Variants in FBXO42 observed in about 807,000 individuals in gnomAD.
The protein encoded by FBXO42 is F-box only protein 42.
Under a neutral mutation model 71.7 loss-of-function variants are expected in FBXO42, and 12 were observed. The ratio of observed to expected loss-of-function variants is 0.17; its 90% CI spans 0.11 to 0.27. The LOEUF is 0.27. FBXO42 is among the 10% of genes least tolerant of loss of function. The probability of loss-of-function intolerance (pLI) is 1.00; values close to 1 mark genes in which losing one functional copy is unlikely to be tolerated. For missense variants in FBXO42, 707 were observed against 911.9 expected (o/e 0.78, Z 2.89); for synonymous variants, 325 against 327.5 (o/e 0.99, Z 0.08).
In FBXO42 at chr1:16,250,872, A is replaced by T. The variant is rs2081583924; in HGVS notation, c.1952T>A (p.Ile651Asn). 6.2e-7 allele frequency: 1 copy of T among 1,614,004 alleles called. No homozygotes were observed. The highest frequency in any genetic ancestry group is 8.5e-7 in the Non-Finnish European group (1 of 1,180,036). Reference protein sequence around the residue: ...CKPMQMYVLDIKDTKEKGRVK... With the variant: ...CKPMQMYVLDNKDTKEKGRVK... ...CCGCCCCTTCTCCTTGGTGTCTTTA[A>T]TGTCCAGCACGTACATCTGCATGGG... The change falls in exon 10 of 10, where the codon ATT becomes AAT. Residue 651 changes from isoleucine to asparagine, a missense_variant. By Grantham distance (149) the Ile-to-Asn change is moderately radical. Transcript: ENST00000375592. This position sits in a 1 kb window ranked among gnomAD's most constrained non-coding sequence, Gnocchi z 4.7.
intron 4 of FBXO42, among the ~76,000 whole-genome samples, chr1:16,270,841 C>T (rs1451610435): frequency 2.7e-5 from 4 of 149,046 alleles, no homozygotes; most frequent in Non-Finnish European, 5.9e-5. Flanking sequence ...GTACTAGAGT[C>T]AGCAGTGACT....
chr1:16,305,984 G>T, intron 2 of FBXO42, 65 bp from the exon 3 acceptor site: 1 of 1,101,364 alleles, frequency 9.1e-7, no homozygotes, highest in Non-Finnish European at 1.4e-6. Context: ...TATTAAAACT[G>T]TGTCTATTAC....
At chr1:16,315,982 C>G (rs1237308685) in intron 1 of FBXO42, among the ~76,000 whole-genome samples, 3 of 151,836 alleles carry the variant, frequency 2.0e-5, no homozygotes, top group Non-Finnish European at 4.4e-5. Context: ...ACCAGCCTGA[C>G]AAACATGGAG....
intron 7 of FBXO42, 140 bp downstream of exon 7, chr1:16,253,495 A>G: frequency 1.4e-6 from 1 of 701,618 alleles, no homozygotes; most frequent in Non-Finnish European, 2.4e-6. Flanking sequence ...AAGTTGAAAA[A>G]TAAATACCAG....
At position 16,352,372 on chromosome 1, in the gene FBXO42, C is replaced by G. The variant is rs1482927897; in HGVS notation, c.-135G>C. On this transcript the variant is annotated 5_prime_UTR_variant, in exon 1 of 10. Transcript: ENST00000375592. ...CAGGCCGCGACAGCCGTGCTCGGGGCTCCTCACAGCTGGCGGGACCCCGAG... is the reference window on the plus strand; with the variant it reads ...CAGGCCGCGACAGCCGTGCTCGGGGGTCCTCACAGCTGGCGGGACCCCGAG... 2.5e-6 allele frequency: 1 copy of G among 398,312 alleles called. No homozygotes were observed. The highest frequency in any genetic ancestry group is 4.4e-6 in the Non-Finnish European group (1 of 225,978). The allele number at this position is 398,312 out of a possible 1,614,324, so 24.7% of individuals were successfully genotyped here. A position where few individuals can be genotyped will look rare whatever the true frequency, so the allele number is the denominator to read the frequency against.
At chr1:16,292,074 A>G (rs1414420418) in intron 4 of FBXO42, among the ~76,000 whole-genome samples, 1 of 152,220 alleles carries the variant, frequency 6.6e-6, no homozygotes, top group Admixed American at 6.5e-5. Context: ...AGGATGAGGG[A>G]GTAACTAGAT....
chr1:16,253,506 TA>T, intron 7 of FBXO42, 128 bp downstream of exon 7: 2 of 739,218 alleles, frequency 2.7e-6, no homozygotes, highest in Non-Finnish European at 2.2e-6. Context: ...TAAATACCAG[TA>T]AAAAAGAATG....
intron 3 of FBXO42, among the ~76,000 whole-genome samples, chr1:16,301,620 G>A (rs887865753): frequency 1.4e-5 from 2 of 145,730 alleles, no homozygotes; most frequent in African/African-American, 2.6e-5. Flanking sequence ...CCAAGACCGC[G>A]CCACTGCACT....
At chr1:16,273,707 C>T (rs2081869196) in intron 4 of FBXO42, among the ~76,000 whole-genome samples, 2 of 151,922 alleles carry the variant, frequency 1.3e-5, no homozygotes, top group Admixed American at 6.6e-5. Flanking sequence ...TGATGAAACC[C>T]TGTCTCAACA....
At chr1:16,325,211 T>C (rs747704183) in intron 1 of FBXO42, among the ~76,000 whole-genome samples, 7 of 152,014 alleles carry the variant, frequency 4.6e-5, no homozygotes, top group African/African-American at 9.7e-5. Context: ...GCACTCCAGC[T>C]TGGGCAACAG....
At chr1:16,289,836 A>C (rs1188575367) in intron 4 of FBXO42, among the ~76,000 whole-genome samples, 1 of 152,170 alleles carries the variant, frequency 6.6e-6, no homozygotes, top group African/African-American at 2.4e-5. Context: ...CAGGAGGCTA[A>C]GGCAGGAGGT....
intron 1 of FBXO42, among the ~76,000 whole-genome samples, chr1:16,322,745 T>C (rs1169266419): frequency 1.3e-5 from 2 of 152,214 alleles, no homozygotes; most frequent in Admixed American, 1.3e-4. Context: ...CTGTGAAACC[T>C]AGCATAAGTC....
At position 16,283,558 on chromosome 1, in the gene FBXO42, C is replaced by T. The variant is rs1052245010; in HGVS notation, c.502+11225G>A. On this transcript the variant is annotated intron_variant, in intron 4 of 9. Transcript: ENST00000375592. ...TGTCGCCCAGGCTGGAGTGCAGTGG[C>T]ACAATCTTGGCTCACTGCAACCTCC... Among the ~76,000 whole-genome samples, 15 of 128,380 alleles carry T rather than the reference C, an allele frequency of 1.2e-4. No homozygotes were observed. The South Asian group carries it at 3.7e-3, about 32-fold the overall frequency. The allele number at this position is 128,380 out of a possible 152,430, so 84.2% of individuals were successfully genotyped here.
In FBXO42 at chr1:16,274,587, C is replaced by CA. The variant is rs1409067239; in HGVS notation, c.503-17829_503-17828insT. On this transcript the variant is annotated intron_variant, in intron 4 of 9. Transcript: ENST00000375592. Reference sequence around the variant, plus strand: ...CCCCCCCCCATACAAATTATGCCCCCGTTTTTTTTTTTTTTTTTTTTTTGA... The same window carrying CA: ...CCCCCCCCCATACAAATTATGCCCCCAGTTTTTTTTTTTTTTTTTTTTTTGA... Among the ~76,000 whole-genome samples, 15 of 55,758 alleles carry CA rather than the reference C, an allele frequency of 2.7e-4. No individual in the cohort carries two copies. The South Asian group carries it at 7.6e-3, about 28-fold the overall frequency. 36.6% of individuals were successfully genotyped at this position (55,758 alleles called of 152,430 possible). A position where few individuals can be genotyped will look rare whatever the true frequency, so the allele number is the denominator to read the frequency against.
rs1248222269 is a variant in FBXO42, at chr1:16,352,473, C to T, written c.-236G>A. 2 of 396,542 alleles carry T rather than the reference C, an allele frequency of 5.0e-6. No individual in the cohort carries two copies. The highest frequency in any genetic ancestry group is 8.9e-6 in the Non-Finnish European group (2 of 224,840). The allele number at this position is 396,542 out of a possible 1,614,324, so 24.6% of individuals were successfully genotyped here. ...TGCTGCTGCTCAGGCCGGGAGAAGACAGCGCAGAGCGCGCATGCGCCGGGG... is the reference window on the plus strand; with the variant it reads ...TGCTGCTGCTCAGGCCGGGAGAAGATAGCGCAGAGCGCGCATGCGCCGGGG... On this transcript the variant is annotated 5_prime_UTR_variant, in exon 1 of 10. Coordinates refer to ENST00000375592, the MANE Select transcript of FBXO42 (RefSeq NM_018994.3).
chr1:16,308,494 C>CTTTT (rs71003268), intron 2 of FBXO42, among the ~76,000 whole-genome samples: 7 of 126,716 alleles, frequency 5.5e-5, no homozygotes, highest in East Asian at 2.3e-4. Flanking sequence ...ACCCATCTCT[C>CTTTT]TTTTTTTTTT....
In FBXO42 at chr1:16,270,944, G is replaced by GA. The variant is rs35955324; in HGVS notation, c.503-14186dup. On this transcript the variant is annotated intron_variant, in intron 4 of 9. Transcript: ENST00000375592. ...CATATGGTGATAAGTGCCAAGGGGG[G>GA]AAAAAAAAAACAAAACAAGAGGAAA... Among the ~76,000 whole-genome samples the GA allele has an allele frequency of 5.6e-3, 813 of 145,518 alleles. 9 individuals are homozygous for GA. The highest frequency in any genetic ancestry group is 0.018 in the African/African-American group (725 of 39,844).
chr1:16,305,496 T>C (rs995944664), intron 3 of FBXO42, among the ~76,000 whole-genome samples: 7 of 152,142 alleles, frequency 4.6e-5, no homozygotes, highest in Admixed American at 2.6e-4. Flanking sequence ...GCAGGCCTAT[T>C]GCTTGAGCTC....
At chr1:16,273,801 C>A (rs1305422781) in intron 4 of FBXO42, among the ~76,000 whole-genome samples, 1 of 151,926 alleles carries the variant, frequency 6.6e-6, no homozygotes, top group Non-Finnish European at 1.5e-5. Context: ...ATCACTTGAG[C>A]CCAAGAGGTA....
Sources: gnomAD v4.1 joint callset for allele counts (sites outside exome capture counted in the v4.1 genomes callset) on GRCh38, gnomAD v4.1.1 for gene constraint, Gnocchi (gnomAD v3.1) non-coding constraint, MANE v1.5 for transcripts, NCBI Gene and HGNC (gene_info 2026-07-23, HGNC 2026-07-21) for gene names.